Variants in SPIDR observed in about 807,000 individuals in gnomAD.
The protein encoded by SPIDR is scaffold protein involved in DNA repair, also known as DNA repair-scaffolding protein.
A neutral mutation model predicts 104.6 loss-of-function variants in SPIDR; 93 were observed. The observed-to-expected ratio is 0.89, with a 90% CI of 0.75 to 1.06. The LOEUF (loss-of-function observed/expected upper bound fraction) is 1.06, where lower values mean the gene tolerates loss of function less well. SPIDR is among the 50% of genes least tolerant of loss of function. The pLI, the probability that SPIDR is intolerant of heterozygous loss-of-function variation, is 0.00. For synonymous variants in SPIDR, 431 were observed against 416.9 expected (o/e 1.03, Z -0.41); for missense variants, 1,154 against 1,111.2 (o/e 1.04, Z -0.55).
intron 8 of SPIDR, among the ~76,000 whole-genome samples, chr8:47,548,373 T>C (rs914433433): frequency 6.6e-6 from 1 of 152,118 alleles, no homozygotes; most frequent in Non-Finnish European, 1.5e-5. Flanking sequence ...ATTGGCTGAA[T>C]GTGGTGGCTC....
intron 8 of SPIDR, among the ~76,000 whole-genome samples, chr8:47,443,389 G>A (rs544495602): frequency 9.2e-5 from 14 of 152,108 alleles, no homozygotes; most frequent in African/African-American, 2.9e-4. Flanking sequence ...GGCCAACATG[G>A]CGAAACCCCA....
chr8:47,468,676 T>C (rs1215724058), intron 8 of SPIDR, among the ~76,000 whole-genome samples: 3 of 152,056 alleles, frequency 2.0e-5, no homozygotes, highest in Non-Finnish European at 4.4e-5. Context: ...TTGGACCCTT[T>C]GCTTATATAA....
intron 8 of SPIDR, among the ~76,000 whole-genome samples, chr8:47,586,297 G>T (rs1286774194): frequency 2.0e-5 from 3 of 151,920 alleles, no homozygotes; most frequent in African/African-American, 7.3e-5. Context: ...AGTTTTGTGG[G>T]GTTTTTTTTC....
chr8:47,629,566 A>G (rs2066735550), intron 10 of SPIDR, among the ~76,000 whole-genome samples: 2 of 152,214 alleles, frequency 1.3e-5, no homozygotes, highest in Non-Finnish European at 2.9e-5. Flanking sequence ...CAGCCTGGCC[A>G]ACATAGTGAA....
intron 5 of SPIDR, among the ~76,000 whole-genome samples, chr8:47,361,171 A>C (rs1268661889): frequency 2.6e-5 from 4 of 152,202 alleles, no homozygotes; most frequent in African/African-American, 9.7e-5. Context: ...GGTAATACCT[A>C]CTTCTAGAAC....
intron 1 of SPIDR, among the ~76,000 whole-genome samples, chr8:47,267,283 C>G (rs1167454935): frequency 2.0e-5 from 3 of 152,094 alleles, no homozygotes; most frequent in Admixed American, 2.0e-4. Context: ...CTCAGCTTCT[C>G]AAGGTGTTGG....
At position 47,556,851 on chromosome 8, in the gene SPIDR, A is replaced by C. The variant is rs371594518; in HGVS notation, c.1098-38960A>C. Reference sequence around the variant, plus strand: ...ACTCCTGGCCTCAAGCAGCCCTCCCACTTCGGCCTCCCAAAATGCTGAGAT... The same window carrying C: ...ACTCCTGGCCTCAAGCAGCCCTCCCCCTTCGGCCTCCCAAAATGCTGAGAT... On this transcript the variant is annotated intron_variant, in intron 8 of 19. Transcript: ENST00000297423. Among the ~76,000 whole-genome samples, 101 of 152,106 alleles carry C rather than the reference A, an allele frequency of 6.6e-4. 1 individual carries two copies. The highest frequency in any genetic ancestry group is 2.4e-3 in the African/African-American group (99 of 41,444).
intron 8 of SPIDR, chr8:47,547,370 T>A (rs1157550150): frequency 4.3e-5 from 16 of 375,138 alleles, no homozygotes; most frequent in Non-Finnish European, 8.0e-5. Context: ...GTTCGAACGT[T>A]GCCATCAATC....
chr8:47,611,437 G>A (rs1377108002), intron 10 of SPIDR, among the ~76,000 whole-genome samples: 5 of 152,154 alleles, frequency 3.3e-5, no homozygotes, highest in Non-Finnish European at 4.4e-5. Flanking sequence ...GGTGTCTCAC[G>A]CCTGTAATCC....
At chr8:47,525,467 C>T (rs1227259442) in intron 8 of SPIDR, among the ~76,000 whole-genome samples, 2 of 152,118 alleles carry the variant, frequency 1.3e-5, no homozygotes, top group Non-Finnish European at 2.9e-5. Context: ...TTTATGTTCT[C>T]CCTCTTTCCA....
At chr8:47,301,575 G>A (rs2042095042) in intron 5 of SPIDR, among the ~76,000 whole-genome samples, 1 of 149,242 alleles carries the variant, frequency 6.7e-6, no homozygotes, top group Admixed American at 6.7e-5. Context: ...TTTTGCAGTG[G>A]CTGGTACTGG....
intron 8 of SPIDR, among the ~76,000 whole-genome samples, chr8:47,551,459 G>A (rs2090471238): frequency 6.6e-6 from 1 of 152,158 alleles, no homozygotes; most frequent in African/African-American, 2.4e-5. Context: ...CCTGTTATCA[G>A]TCTATTGAGA....
At chr8:47,450,734 G>A (rs1369277596) in intron 8 of SPIDR, among the ~76,000 whole-genome samples, 4 of 152,190 alleles carry the variant, frequency 2.6e-5, no homozygotes, top group African/African-American at 4.8e-5. Context: ...GAAGAGTGAT[G>A]TCATGAAAAT....
intron 6 of SPIDR, among the ~76,000 whole-genome samples, chr8:47,402,976 G>A (rs372426832): frequency 6.6e-6 from 1 of 152,104 alleles, no homozygotes; most frequent in South Asian, 2.1e-4. Flanking sequence ...CAAACTGAAT[G>A]CAGCAGCACA....
At chr8:47,624,288 A>C (rs1428770932) in intron 10 of SPIDR, among the ~76,000 whole-genome samples, 1 of 152,270 alleles carries the variant, frequency 6.6e-6, no homozygotes, top group Non-Finnish European at 1.5e-5. Flanking sequence ...AAAGCAGGAA[A>C]GATCTAAAAT....
At chr8:47,280,946 T>A (rs1047636061) in intron 2 of SPIDR, among the ~76,000 whole-genome samples, 141 of 152,344 alleles carry the variant, frequency 9.3e-4, no homozygotes, top group African/African-American at 3.3e-3. Flanking sequence ...AGCATACTAC[T>A]CTTCACAAGA....
At chr8:47,475,409 A>C (rs1554723228) in intron 8 of SPIDR, among the ~76,000 whole-genome samples, 1 of 152,256 alleles carries the variant, frequency 6.6e-6, no homozygotes, top group African/African-American at 2.4e-5. Context: ...CCTACCTGTC[A>C]TGTAAAGAAA....
At chr8:47,596,329 A>G (rs1032615380) in intron 9 of SPIDR, among the ~76,000 whole-genome samples, 2 of 152,138 alleles carry the variant, frequency 1.3e-5, no homozygotes, top group Non-Finnish European at 2.9e-5. Context: ...TCATTGTGTG[A>G]CCATCATAGC....
intron 7 of SPIDR, among the ~76,000 whole-genome samples, chr8:47,410,253 C>T (rs2063320880): frequency 6.6e-6 from 1 of 151,720 alleles, no homozygotes; most frequent in African/African-American, 2.4e-5. Context: ...AAGATCCTGA[C>T]TCACTGCAAC....
Sources: gnomAD v4.1 joint callset for allele counts (sites outside exome capture counted in the v4.1 genomes callset) on GRCh38, gnomAD v4.1.1 for gene constraint, MANE v1.5 for transcripts, NCBI Gene and HGNC (gene_info 2026-07-23, HGNC 2026-07-21) for gene names.